MAST2: variants seen among roughly 807,000 people sequenced by gnomAD.
The protein encoded by MAST2 is microtubule-associated serine/threonine-protein kinase 2.
In MAST2, 70 loss-of-function variants were observed where a neutral mutation model predicts 147.4. The ratio of observed to expected loss-of-function variants is 0.47; its 90% CI spans 0.39 to 0.58. The LOEUF is 0.58. MAST2 is among the 20% of genes least tolerant of loss of function. The pLI is 0.00. For missense variants in MAST2, 2,080 were observed against 2,302.3 expected (o/e 0.90, Z 1.98); for synonymous variants, 869 against 896.8 (o/e 0.97, Z 0.55).
At chr1:46,006,127 C>A in intron 7 of MAST2, 114 bp from the exon 8 acceptor site, 2 of 1,022,382 alleles carry the variant, frequency 2.0e-6, no homozygotes, top group Non-Finnish European at 2.9e-6. Flanking sequence ...GAAAGAAGAC[C>A]TGCTTTGGGT....
intron 3 of MAST2, among the ~76,000 whole-genome samples, chr1:45,833,525 T>A (rs1289538047): frequency 2.0e-5 from 3 of 152,226 alleles, no homozygotes; most frequent in African/African-American, 7.2e-5. Flanking sequence ...TATGTTTTCA[T>A]TCCTCGTGGA....
At chr1:45,850,098 T>C (rs934602388) in intron 3 of MAST2, among the ~76,000 whole-genome samples, 1 of 152,144 alleles carries the variant, frequency 6.6e-6, no homozygotes, top group Non-Finnish European at 1.5e-5. Context: ...TTATCTGCAG[T>C]CTTGCCGGCA....
At chr1:46,027,228 G>A (rs1333498043) in intron 16 of MAST2, among the ~76,000 whole-genome samples, 1 of 152,192 alleles carries the variant, frequency 6.6e-6, no homozygotes, top group Non-Finnish European at 1.5e-5. Context: ...GGCTCAGGCA[G>A]AGTATATAAA....
At chr1:45,909,959 A>G (rs1444129107) in intron 4 of MAST2, among the ~76,000 whole-genome samples, 6 of 151,798 alleles carry the variant, frequency 4.0e-5, no homozygotes, top group Non-Finnish European at 8.8e-5. Flanking sequence ...TCCTGGGCTC[A>G]AGAGATCTGC....
chr1:45,820,135 C>T (rs1644575913), intron 1 of MAST2, among the ~76,000 whole-genome samples: 1 of 152,154 alleles, frequency 6.6e-6, no homozygotes, highest in African/African-American at 2.4e-5. Context: ...AACTGGAAAT[C>T]TATATGCAGA....
At chr1:46,022,819 T>C in intron 12 of MAST2, 91 bp from the exon 13 acceptor site, 1 of 926,980 alleles carries the variant, frequency 1.1e-6, no homozygotes, top group Non-Finnish European at 1.8e-6. Flanking sequence ...CATTAATGAC[T>C]ACCCTACATG....
At chr1:45,836,174 C>G (rs1645096102) in intron 3 of MAST2, among the ~76,000 whole-genome samples, 1 of 152,174 alleles carries the variant, frequency 6.6e-6, no homozygotes, top group Non-Finnish European at 1.5e-5. Context: ...TGAAGAACTA[C>G]CACACTTTTG....
chr1:45,869,604 T>C (rs1234639709), intron 3 of MAST2, among the ~76,000 whole-genome samples: 2 of 152,234 alleles, frequency 1.3e-5, no homozygotes, highest in Non-Finnish European at 1.5e-5. Context: ...ATTCTAAGGC[T>C]CACATCTTTT....
chr1:45,882,353 T>C lies in MAST2; in HGVS notation c.469-11T>C, dbSNP rs755655059. On this transcript the variant is annotated splice_polypyrimidine_tract_variant and intron_variant, in intron 3 of 28. Transcript: ENST00000361297. Reference sequence around the variant, plus strand: ...TTCTTATTTCTAACTTGCATATGTTTTGTTTTTCAGAAGGAGTTGAGCCTT... The same window carrying C: ...TTCTTATTTCTAACTTGCATATGTTCTGTTTTTCAGAAGGAGTTGAGCCTT... 7.5e-6 allele frequency: 12 copies of C among 1,610,074 alleles called. No individual in the cohort carries two copies. Among genetic ancestry groups the C allele is most frequent in the Non-Finnish European group, 1.0e-5 (12 of 1,176,414 alleles).
chr1:45,922,698 T>C (rs376057619), intron 4 of MAST2, among the ~76,000 whole-genome samples: 1 of 152,176 alleles, frequency 6.6e-6, no homozygotes, highest in East Asian at 1.9e-4. Flanking sequence ...TGCCTGGGTC[T>C]GAAGCTGCAG....
rs34012353 is a variant in MAST2 at position 45,948,706 on chromosome 1, C to CAAAAAA, written c.501-10658_501-10653dup. Among the ~76,000 whole-genome samples the CAAAAAA allele has an allele frequency of 5.2e-4, 21 of 40,254 alleles. 1 individual carries two copies. The highest frequency in any genetic ancestry group is 4.5e-3 in the East Asian group (4 of 890). 26.4% of individuals were successfully genotyped at this position (40,254 alleles called of 152,430 possible). A position where few individuals can be genotyped will look rare whatever the true frequency, so the allele number is the denominator to read the frequency against. On this transcript the variant is annotated intron_variant, in intron 4 of 28. Coordinates refer to ENST00000361297, the MANE Select transcript of MAST2 (RefSeq NM_015112.3). ...TGGGCGACAGAGTGAGACTCCATCT[C>CAAAAAA]AAAAAAAAAAAAAAAAAAAAAAAAA...
chr1:46,004,696 A>C (rs1006356534), intron 7 of MAST2, among the ~76,000 whole-genome samples: 4 of 152,254 alleles, frequency 2.6e-5, no homozygotes, highest in Non-Finnish European at 5.9e-5. Context: ...CACTGTTAGC[A>C]AAAAAGAAAT....
chr1:45,820,654 A>C (rs1644593136), intron 1 of MAST2, among the ~76,000 whole-genome samples: 1 of 152,126 alleles, frequency 6.6e-6, no homozygotes, highest in Admixed American at 6.5e-5. Flanking sequence ...AAAATAGAAT[A>C]ATACTGGCTG....
intron 9 of MAST2, among the ~76,000 whole-genome samples, chr1:46,008,801 C>G (rs1463441151): frequency 2.0e-5 from 3 of 152,208 alleles, no homozygotes; most frequent in African/African-American, 7.2e-5. Context: ...TAAGCAGCAC[C>G]TCATTATCAG....
rs1241853641 is a variant in MAST2 at position 45,939,988 on chromosome 1, T to TTTTTGTTTTTTTTGTTTTTTTTG, written c.501-19394_501-19393insGTTTTTTTTGTTTTTTTTGTTTT. 3.3e-3 allele frequency among the ~76,000 whole-genome samples: 426 copies of TTTTTGTTTTTTTTGTTTTTTTTG among 130,846 alleles called. 11 individuals are homozygous for TTTTTGTTTTTTTTGTTTTTTTTG. The highest frequency in any genetic ancestry group is 4.5e-3 in the Non-Finnish European group (280 of 61,860). 85.8% of individuals were successfully genotyped at this position (130,846 alleles called of 152,430 possible). On this transcript the variant is annotated intron_variant, in intron 4 of 28. Coordinates refer to ENST00000361297, the MANE Select transcript of MAST2 (RefSeq NM_015112.3). Reference sequence around the variant, plus strand: ...TTCTCTATTTATTTAGGGTTTTTTTTTTTTTTTTTTTTTGAGATGGAGTTT... The same window carrying TTTTTGTTTTTTTTGTTTTTTTTG: ...TTCTCTATTTATTTAGGGTTTTTTTTTTTTGTTTTTTTTGTTTTTTTTGTTTTTTTTTTTTTGAGATGGAGTTT...
At chr1:45,948,996 A>G (rs1057082363) in intron 4 of MAST2, among the ~76,000 whole-genome samples, 8 of 152,180 alleles carry the variant, frequency 5.3e-5, no homozygotes, top group Non-Finnish European at 1.2e-4. Flanking sequence ...CTCCCTATTC[A>G]GTAAGTGGTT....
At chr1:45,867,131 G>A (rs539146327) in intron 3 of MAST2, among the ~76,000 whole-genome samples, 6 of 152,150 alleles carry the variant, frequency 3.9e-5, no homozygotes, top group South Asian at 4.1e-4. Flanking sequence ...CAGAGCTAAC[G>A]CTTGAAAAGC....
intron 3 of MAST2, among the ~76,000 whole-genome samples, chr1:45,877,187 C>G (rs760114168): frequency 2.6e-5 from 4 of 152,194 alleles, no homozygotes; most frequent in Non-Finnish European, 5.9e-5. Flanking sequence ...TGCCTTCTTG[C>G]TGTTTCTTCA....
intron 4 of MAST2, among the ~76,000 whole-genome samples, chr1:45,888,226 A>T (rs762780134): frequency 2.6e-5 from 4 of 152,116 alleles, no homozygotes; most frequent in Non-Finnish European, 5.9e-5. Context: ...GTCCTCTCTT[A>T]TACTCTAGCT....
Sources: allele counts gnomAD v4.1 joint callset (sites outside exome capture counted in the v4.1 genomes callset), GRCh38; gene constraint gnomAD v4.1.1; transcripts MANE v1.5; gene names NCBI Gene and HGNC (gene_info 2026-07-23, HGNC 2026-07-21).